The following HNRNPF variants were observed in gnomAD, a reference collection of about 807,000 sequenced individuals.
HNRNPF encodes heterogeneous nuclear ribonucleoprotein F.
In HNRNPF, 2 loss-of-function variants were observed where a neutral mutation model predicts 26.0. The ratio of observed to expected loss-of-function variants is 0.08; its 90% CI spans 0.03 to 0.24. HNRNPF has a LOEUF of 0.24. Ranked by LOEUF, HNRNPF falls within the 10% of genes least tolerant of loss-of-function variation. The pLI is 1.00. For synonymous variants in HNRNPF, 234 were observed against 211.5 expected, an observed-to-expected ratio of 1.11 and a Z score of -0.92; for missense variants, 299 against 539.2, an observed-to-expected ratio of 0.55 and a Z score of 4.41.
chr10:43,388,581 T>C (rs1382232685), intron 3 of HNRNPF, among the ~76,000 whole-genome samples: 2 of 152,172 alleles, frequency 1.3e-5, no homozygotes, highest in Non-Finnish European at 2.9e-5. Context: ...AGCAGACAAA[T>C]TCACCAGCAG....
intron 3 of HNRNPF, among the ~76,000 whole-genome samples, chr10:43,389,072 G>A (rs1254604606): frequency 2.0e-5 from 3 of 148,792 alleles, no homozygotes; most frequent in African/African-American, 5.0e-5. Flanking sequence ...CTGGGTTCAC[G>A]AAATTCTCCT....
intron 1 of HNRNPF, among the ~76,000 whole-genome samples, chr10:43,405,384 C>T (rs1454305430): frequency 6.6e-6 from 1 of 152,090 alleles, no homozygotes; most frequent in Non-Finnish European, 1.5e-5. Context: ...ATGCCGGGCG[C>T]GGTGGCTCAC....
intron 1 of HNRNPF, chr10:43,397,045 G>C (rs898050787): frequency 1.3e-5 from 2 of 151,860 alleles, no homozygotes; most frequent in Non-Finnish European, 2.9e-5. Context: ...CCCGCGGGCC[G>C]AGCGCGGCTG....
intron 1 of HNRNPF, among the ~76,000 whole-genome samples, chr10:43,402,232 G>A (rs1364250863): frequency 2.6e-5 from 4 of 152,138 alleles, no homozygotes; most frequent in Admixed American, 2.6e-4. Context: ...CAGAAACAAT[G>A]GGGGAGAAGA....
In HNRNPF at chr10:43,396,585, C is replaced by A. The variant is rs1169032489; in HGVS notation, c.-241G>T. 1.3e-5 allele frequency: 2 copies of A among 152,244 alleles called. No individual in the cohort carries two copies. Among genetic ancestry groups the A allele is most frequent in the Non-Finnish European group, 2.9e-5 (2 of 68,070 alleles). 9.4% of individuals were successfully genotyped at this position (152,244 alleles called of 1,614,324 possible). Reference sequence around the variant, plus strand: ...GAAACTCCAGGTGCATGTTTTTGTTCTCAACCTGCAACAGAAATCCAAGTG... The same window carrying A: ...GAAACTCCAGGTGCATGTTTTTGTTATCAACCTGCAACAGAAATCCAAGTG... On this transcript the variant is annotated 5_prime_UTR_variant, in exon 2 of 4. Transcript: ENST00000682386.
intron 1 of HNRNPF, among the ~76,000 whole-genome samples, chr10:43,399,137 G>C (rs1206082212): frequency 6.6e-6 from 1 of 152,068 alleles, no homozygotes; most frequent in Non-Finnish European, 1.5e-5. Context: ...AGTAACTGTT[G>C]AATCTGTGTG....
chr10:43,400,822 G>A (rs934110424), intron 1 of HNRNPF, among the ~76,000 whole-genome samples: 1 of 152,216 alleles, frequency 6.6e-6, no homozygotes, highest in Non-Finnish European at 1.5e-5. Flanking sequence ...AAGTGGCCAG[G>A]CACAGTGGCT....
rs529377861 is a variant in HNRNPF at position 43,405,941 on chromosome 10, G to T, written c.-247+3190C>A. 4.6e-5 allele frequency among the ~76,000 whole-genome samples: 7 copies of T among 152,168 alleles called. No individual in the cohort carries two copies. In the South Asian group the frequency reaches 1.5e-3, roughly 32 times the overall value. ...GGGCAAGGGCCCTGGCAGGGGAGGG[G>T]TGTCCCGGTCCAACTTGGGACCCAG... On this transcript the variant is annotated intron_variant, in intron 1 of 3. Coordinates refer to ENST00000682386, the MANE Select transcript of HNRNPF (RefSeq NM_001098204.2).
At chr10:43,388,340 G>A (rs572231337) in intron 3 of HNRNPF, among the ~76,000 whole-genome samples, 1 of 152,254 alleles carries the variant, frequency 6.6e-6, no homozygotes, top group East Asian at 1.9e-4. Flanking sequence ...CTTGTCTATG[G>A]TAGGATACTT....
At chr10:43,405,924 G>A (rs1004662474) in intron 1 of HNRNPF, among the ~76,000 whole-genome samples, 2 of 152,100 alleles carry the variant, frequency 1.3e-5, no homozygotes, top group African/African-American at 4.8e-5. Context: ...CAGGGCAAGG[G>A]CCCTGGCAGG....
chr10:43,397,708 C>T (rs1392844404), intron 1 of HNRNPF, among the ~76,000 whole-genome samples: 1 of 152,164 alleles, frequency 6.6e-6, no homozygotes, highest in African/African-American at 2.4e-5. Flanking sequence ...TTTTGTGGAC[C>T]TCTGAATCTT....
intron 1 of HNRNPF, among the ~76,000 whole-genome samples, chr10:43,406,573 T>A (rs1377898883): frequency 6.6e-6 from 1 of 152,096 alleles, no homozygotes; most frequent in Admixed American, 6.5e-5. Flanking sequence ...AGAGTGCCCG[T>A]GGTCCCAGAT....
chr10:43,392,337 G>A lies in HNRNPF; in HGVS notation c.-53+2293C>T, dbSNP rs543974742. Among the ~76,000 whole-genome samples the A allele has an allele frequency of 1.9e-3, 287 of 152,156 alleles. 1 individual carries two copies. Among genetic ancestry groups the A allele is most frequent in the Middle Eastern group, 0.014 (4 of 294 alleles). On this transcript the variant is annotated intron_variant, in intron 3 of 3. Transcript: ENST00000682386. ...AGGTGGATCATGAGGTCAGGAGATC[G>A]AGACCATCCTGGCTAACATGGTGAA...
At chr10:43,396,872 G>A (rs1838549090) in intron 1 of HNRNPF, 2 of 140,028 alleles carry the variant, frequency 1.4e-5, no homozygotes, top group Non-Finnish European at 3.1e-5. Context: ...GGTTCCCGGA[G>A]GGAAGGGCGC....
chr10:43,391,457 A>C (rs534133116), intron 3 of HNRNPF, among the ~76,000 whole-genome samples: 3 of 150,986 alleles, frequency 2.0e-5, no homozygotes, highest in African/African-American at 7.3e-5. Context: ...GACTAACTCC[A>C]AAAAAAAACC....
At chr10:43,390,114 T>C (rs1319275540) in intron 3 of HNRNPF, among the ~76,000 whole-genome samples, 1 of 152,178 alleles carries the variant, frequency 6.6e-6, no homozygotes, top group Non-Finnish European at 1.5e-5. Context: ...CAGAGCAAGG[T>C]CACAGCAGAT....
At chr10:43,399,935 G>A (rs1167582279) in intron 1 of HNRNPF, among the ~76,000 whole-genome samples, 5 of 152,218 alleles carry the variant, frequency 3.3e-5, no homozygotes, top group African/African-American at 7.2e-5. Context: ...CTCAGATTGG[G>A]GTTCTGAGGA....
chr10:43,388,232 CATG>C (rs973261377), intron 3 of HNRNPF, among the ~76,000 whole-genome samples: 1 of 152,192 alleles, frequency 6.6e-6, no homozygotes, highest in Non-Finnish European at 1.5e-5. Flanking sequence ...ACATATTTGT[CATG>C]ATAATATGTG....
At chr10:43,391,909 C>CA (rs1838264892) in intron 3 of HNRNPF, among the ~76,000 whole-genome samples, 1 of 152,144 alleles carries the variant, frequency 6.6e-6, no homozygotes, top group African/African-American at 2.4e-5. Flanking sequence ...AAAATCTTGT[C>CA]AAAAGGCCTC....
Sources: gnomAD v4.1 joint callset for allele counts (sites outside exome capture counted in the v4.1 genomes callset) on GRCh38, gnomAD v4.1.1 for gene constraint, MANE v1.5 for transcripts, NCBI Gene and HGNC (gene_info 2026-07-23, HGNC 2026-07-21) for gene names.